The following UNC79 variants were observed in gnomAD, a reference collection of about 807,000 sequenced individuals.
The protein encoded by UNC79 is protein unc-79 homolog.
In UNC79, 37 loss-of-function variants were observed where a neutral mutation model predicts 283.1. The observed-to-expected ratio is 0.13, with a 90% CI of 0.10 to 0.17. The LOEUF (loss-of-function observed/expected upper bound fraction) is 0.17, where lower values mean the gene tolerates loss of function less well. Ranked by LOEUF, UNC79 falls within the 10% of genes least tolerant of loss-of-function variation. The pLI, the probability that UNC79 is intolerant of heterozygous loss-of-function variation, is 1.00. For synonymous variants in UNC79, 1,107 were observed against 1,200.2 expected (o/e 0.92, Z 1.61); for missense variants, 2,272 against 3,211.1 (o/e 0.71, Z 7.07).
At chr14:93,684,560 A>G (rs1005715110) in intron 42 of UNC79, among the ~76,000 whole-genome samples, 3 of 152,222 alleles carry the variant, frequency 2.0e-5, no homozygotes, top group Non-Finnish European at 2.9e-5. Flanking sequence ...TTTAATTAAA[A>G]AGCAAGTTAG....
chr14:93,650,348 C>T (rs1263539109), intron 35 of UNC79, among the ~76,000 whole-genome samples: 2 of 152,040 alleles, frequency 1.3e-5, no homozygotes, highest in Admixed American at 1.3e-4. Context: ...TGTTGGGTTA[C>T]AGGATAGGTA....
chr14:93,697,429 C>T (rs1247520553), intron 47 of UNC79, among the ~76,000 whole-genome samples: 2 of 152,176 alleles, frequency 1.3e-5, no homozygotes, highest in African/African-American at 4.8e-5. Context: ...AGCCACTATG[C>T]CCGGCCAGAT....
intron 40 of UNC79, among the ~76,000 whole-genome samples, chr14:93,671,145 T>TA (rs1328326645): frequency 1.3e-5 from 2 of 152,184 alleles, no homozygotes; most frequent in African/African-American, 2.4e-5. Flanking sequence ...TCAATAAGGA[T>TA]AATTTCAAAG....
rs1321709808 is a variant in UNC79 at position 93,700,045 on chromosome 14, A to T, written c.7549-4580A>T. 3.5e-5 allele frequency among the ~76,000 whole-genome samples: 5 copies of T among 143,108 alleles called. No homozygotes were observed. In the East Asian group the frequency reaches 1.0e-3, roughly 29 times the overall value. The allele number at this position is 143,108 out of a possible 152,430, so 93.9% of individuals were successfully genotyped here. A position where few individuals can be genotyped will look rare whatever the true frequency, so the allele number is the denominator to read the frequency against. On this transcript the variant is annotated intron_variant, in intron 47 of 48. Transcript: ENST00000555664. ...ATTTTGAAAGACAGTTTCACTGGGT[A>T]TTGAATTCTAGATGGATGGTTTCGG... is the stretch of plus-strand genomic sequence containing the variant.
At chr14:93,557,759 T>TA (rs2062256995) in intron 14 of UNC79, among the ~76,000 whole-genome samples, 1 of 152,208 alleles carries the variant, frequency 6.6e-6, no homozygotes, top group African/African-American at 2.4e-5. Flanking sequence ...AAGATGGGAA[T>TA]TGAACCCATG....
rs1168437232 is a variant in UNC79 at position 93,622,856 on chromosome 14, CTT to C, written c.5608+16_5608+17del. The C allele has an allele frequency of 3.7e-6, 6 of 1,606,054 alleles. No homozygotes were observed. Among genetic ancestry groups the C allele is most frequent in the Non-Finnish European group, 5.1e-6 (6 of 1,175,472 alleles). ...GAAAGATCCAGGTAAGCTCGCCTCT[CTT>C]CTTTCTCTCAGCCTTAACTTTAAGT... On this transcript the variant is annotated intron_variant, in intron 30 of 48. Transcript: ENST00000555664.
At chr14:93,505,704 G>A (rs1342153787) in intron 7 of UNC79, among the ~76,000 whole-genome samples, 1 of 150,058 alleles carries the variant, frequency 6.7e-6, no homozygotes, top group Non-Finnish European at 1.5e-5. Context: ...TATTTTTCCT[G>A]CTTCTTTTTT....
intron 30 of UNC79, among the ~76,000 whole-genome samples, chr14:93,629,762 C>T (rs1429979474): frequency 2.0e-5 from 3 of 152,198 alleles, no homozygotes; most frequent in African/African-American, 7.2e-5. Context: ...AAACAATTTG[C>T]ACCATGACAA....
intron 31 of UNC79, among the ~76,000 whole-genome samples, chr14:93,633,045 A>G (rs576439617): frequency 1.3e-5 from 2 of 152,288 alleles, no homozygotes; most frequent in Admixed American, 1.3e-4. Flanking sequence ...GAAATTATTC[A>G]ATCATCAGAG....
chr14:93,555,216 T>C lies in UNC79; in HGVS notation c.1755+12520T>C, dbSNP rs539971650. ...CTAAAGCCATGTGAACTAAAGTGTT[T>C]ATTTTTCTGATAAAATATTTTATTT... On this transcript the variant is annotated intron_variant, in intron 14 of 48. Transcript: ENST00000555664. Among the ~76,000 whole-genome samples the C allele has an allele frequency of 2.6e-5, 4 of 152,370 alleles. No individual in the cohort carries two copies. In the East Asian group the frequency reaches 7.7e-4, roughly 29 times the overall value.
intron 11 of UNC79, among the ~76,000 whole-genome samples, chr14:93,537,241 G>A (rs1430297174): frequency 6.6e-6 from 1 of 152,202 alleles, no homozygotes; most frequent in Non-Finnish European, 1.5e-5. Flanking sequence ...CGCCAGGGCA[G>A]CTTGAACAGT....
At chr14:93,634,482 A>C (rs1484213488) in intron 31 of UNC79, 39 bp from the exon 34 acceptor site, 2 of 1,483,480 alleles carry the variant, frequency 1.3e-6, no homozygotes, top group Admixed American at 1.7e-5. Flanking sequence ...TGCTGTGGAA[A>C]TTTATTATTA....
chr14:93,699,395 T>C (rs1396417733), intron 47 of UNC79, among the ~76,000 whole-genome samples: 2 of 152,212 alleles, frequency 1.3e-5, no homozygotes, highest in Non-Finnish European at 2.9e-5. Context: ...TTCCTTCTTT[T>C]CAAACATCAG....
chr14:93,683,261 G>A (rs1470154699), intron 42 of UNC79, among the ~76,000 whole-genome samples: 2 of 152,146 alleles, frequency 1.3e-5, no homozygotes, highest in Admixed American at 1.3e-4. Context: ...TGATTAGTAG[G>A]GAAAGGGGGA....
intron 27 of UNC79, among the ~76,000 whole-genome samples, chr14:93,616,663 T>C (rs1309116254): frequency 6.6e-6 from 1 of 152,144 alleles, no homozygotes; most frequent in Non-Finnish European, 1.5e-5. Flanking sequence ...GCACCTGGCA[T>C]GTGCTTTTTC....
At chr14:93,436,262 C>T in intron 1 of UNC79, among the ~76,000 whole-genome samples, 1 of 152,110 alleles carries the variant, frequency 6.6e-6, no homozygotes, top group East Asian at 1.9e-4. Context: ...AAAATGCATG[C>T]TTTTCAAATG....
intron 23 of UNC79, among the ~76,000 whole-genome samples, chr14:93,595,273 A>G (rs1252696427): frequency 6.6e-6 from 1 of 152,010 alleles, no homozygotes; most frequent in African/African-American, 2.4e-5. Context: ...TATTTTTACT[A>G]GAGATGGGGT....
chr14:93,690,453 T>C lies in UNC79; in HGVS notation c.7272+150T>C, dbSNP rs2074593777. ...AACACAACTTTGTGCTAATGTCTTATTTAAAGTTGTTTAGATTCCCAGACT... is the reference window on the plus strand; with the variant it reads ...AACACAACTTTGTGCTAATGTCTTACTTAAAGTTGTTTAGATTCCCAGACT... On this transcript the variant is annotated intron_variant, in intron 45 of 48. Coordinates refer to ENST00000555664, the Ensembl canonical transcript of UNC79. This position sits in a 1 kb window ranked among gnomAD's most constrained non-coding sequence, Gnocchi z 4.3. The C allele has an allele frequency of 1.2e-6, 1 of 846,952 alleles. No homozygotes were observed. Among genetic ancestry groups the C allele is most frequent in the African/African-American group, 1.7e-5 (1 of 57,640 alleles). 52.5% of individuals were successfully genotyped at this position (846,952 alleles called of 1,614,324 possible).
chr14:93,684,613 T>C (rs1416507524), intron 42 of UNC79, among the ~76,000 whole-genome samples: 2 of 152,208 alleles, frequency 1.3e-5, no homozygotes, highest in East Asian at 3.8e-4. Flanking sequence ...TGTATGTGTG[T>C]ATGTTATATA....
Sources: allele counts gnomAD v4.1 joint callset (sites outside exome capture counted in the v4.1 genomes callset), GRCh38; gene constraint gnomAD v4.1.1; non-coding constraint Gnocchi (gnomAD v3.1); transcripts MANE v1.5; gene names NCBI Gene and HGNC (gene_info 2026-07-23, HGNC 2026-07-21).